USP3: variants seen among roughly 807,000 people sequenced by gnomAD.
USP3 encodes the protein ubiquitin carboxyl-terminal hydrolase 3.
A neutral mutation model predicts 72.3 loss-of-function variants in USP3; 20 were observed. The observed-to-expected ratio is 0.28, with a 90% CI of 0.19 to 0.40. The LOEUF (loss-of-function observed/expected upper bound fraction) is 0.40, where lower values mean the gene tolerates loss of function less well. USP3 is among the 10% of genes least tolerant of loss of function. USP3 has a pLI of 1.00. For missense variants in USP3, 479 were observed against 633.9 expected, an observed-to-expected ratio of 0.76 and a Z score of 2.62; for synonymous variants, 222 against 225.3, an observed-to-expected ratio of 0.99 and a Z score of 0.13.
chr15:63,565,610 T>C (rs1412047017), intron 8 of USP3, among the ~76,000 whole-genome samples: 1 of 152,226 alleles, frequency 6.6e-6, no homozygotes, highest in Non-Finnish European at 1.5e-5. Context: ...CTTTCAGATA[T>C]TCTGTGTGCA....
chr15:63,546,105 G>A (rs1364959647), intron 3 of USP3, among the ~76,000 whole-genome samples: 4 of 151,314 alleles, frequency 2.6e-5, no homozygotes, highest in Non-Finnish European at 5.9e-5. Context: ...GGTAGTTCCT[G>A]ACTTCTGTTT....
At chr15:63,583,793 G>A (rs2067005286) in intron 11 of USP3, among the ~76,000 whole-genome samples, 1 of 152,248 alleles carries the variant, frequency 6.6e-6, no homozygotes, top group Admixed American at 6.5e-5. Flanking sequence ...TTGTAAGCAT[G>A]TCTCAGAATT....
At chr15:63,564,203 AC>A (rs1223585882) in intron 8 of USP3, among the ~76,000 whole-genome samples, 1 of 152,186 alleles carries the variant, frequency 6.6e-6, no homozygotes, top group Non-Finnish European at 1.5e-5. Flanking sequence ...ACTGTGTGCC[AC>A]CCACTGGGTA....
At chr15:63,575,639 TAC>T (rs2066851541) in intron 11 of USP3, among the ~76,000 whole-genome samples, 1 of 152,188 alleles carries the variant, frequency 6.6e-6, no homozygotes, top group Non-Finnish European at 1.5e-5. Context: ...TTAACAGGAA[TAC>T]AGAAGAAAAA....
intron 7 of USP3, among the ~76,000 whole-genome samples, chr15:63,560,190 C>A (rs910009061): frequency 6.6e-6 from 1 of 152,048 alleles, no homozygotes; most frequent in Admixed American, 6.5e-5. Flanking sequence ...GATGCTGAGG[C>A]GGGTGGATCA....
At chr15:63,555,442 C>T (rs1481134014) in intron 4 of USP3, among the ~76,000 whole-genome samples, 2 of 151,682 alleles carry the variant, frequency 1.3e-5, no homozygotes, top group African/African-American at 4.8e-5. Flanking sequence ...GCTAGTGCAA[C>T]TGAGACACTG....
intron 1 of USP3, among the ~76,000 whole-genome samples, chr15:63,513,006 A>G (rs554720748): frequency 6.6e-6 from 1 of 152,344 alleles, no homozygotes; most frequent in African/African-American, 2.4e-5. Flanking sequence ...AAGCCAGGTT[A>G]TATCAAAGAT....
chr15:63,575,613 A>G (rs917613727), intron 11 of USP3, among the ~76,000 whole-genome samples: 2 of 152,176 alleles, frequency 1.3e-5, no homozygotes, highest in Non-Finnish European at 1.5e-5. Flanking sequence ...CTACACAACC[A>G]GTGTTGATTG....
chr15:63,560,899 C>A lies in USP3; in HGVS notation c.647+929C>A, dbSNP rs188244889. Among the ~76,000 whole-genome samples the A allele has an allele frequency of 5.0e-4, 76 of 152,310 alleles. 1 individual carries two copies. The highest frequency in any genetic ancestry group is 1.8e-3 in the African/African-American group (74 of 41,552). ...TTTTCTCTGTCTGCCTCCTCCACTT[C>A]CACACACTCCCATTCTCACTCATTC... On this transcript the variant is annotated intron_variant, in intron 7 of 14. Coordinates refer to ENST00000380324, the MANE Select transcript of USP3 (RefSeq NM_006537.4).
At chr15:63,555,184 C>T (rs955027860) in intron 4 of USP3, among the ~76,000 whole-genome samples, 1 of 152,182 alleles carries the variant, frequency 6.6e-6, no homozygotes, top group Non-Finnish European at 1.5e-5. Flanking sequence ...CTGCTTGGCT[C>T]CATGAAAAAT....
intron 9 of USP3, 110 bp from the exon 10 acceptor site, chr15:63,573,936 T>G: frequency 1.8e-6 from 1 of 566,574 alleles, no homozygotes. Context: ...ACTTAAATAT[T>G]CCCTCAAAGG....
chr15:63,522,160 G>A (rs1315043109), intron 1 of USP3, among the ~76,000 whole-genome samples: 4 of 152,316 alleles, frequency 2.6e-5, no homozygotes, highest in African/African-American at 7.2e-5. Flanking sequence ...ACAGGCATGA[G>A]CCACTGTGCC....
Position 63,588,307 on chromosome 15 carries a change from T to C in USP3, c.1099T>C (p.Cys367Arg), listed in dbSNP as rs1414942380. ...GCTGCCAAAATCAATTTGTTTAGAT[T>C]GTCTTCGCAGTTTTACCGACTTAGA... Reference protein sequence around the residue: ...ENGPVCSLRDCLRSFTDLEEL... With the variant: ...ENGPVCSLRDRLRSFTDLEEL... The change falls in exon 12 of 15, where the codon TGT becomes CGT. Residue 367 changes from cysteine (C) to arginine (R), a missense_variant and splice_region_variant. Cys to Arg is a radical substitution (Grantham distance 180). Transcript: ENST00000380324. The surrounding 1 kb of genome is among the most constrained non-coding windows in gnomAD (Gnocchi z 4.6). 1 of 1,594,160 alleles carries C rather than the reference T, an allele frequency of 6.3e-7. No individual in the cohort carries two copies. The highest frequency in any genetic ancestry group is 1.9e-5 in the Admixed American group (1 of 53,688).
rs973789851 is a variant in USP3 at position 63,574,746 on chromosome 15, C to T, written c.1096+343C>T. The stretch of plus-strand genomic sequence containing the variant: ...ATCTATAGGAAGAAAGAATACTCAG[C>T]AGAGTTTTATAAATTATAGTATTAC... On this transcript the variant is annotated intron_variant, in intron 11 of 14. Transcript: ENST00000380324. The surrounding 1 kb of genome is among the most constrained non-coding windows in gnomAD (Gnocchi z 4.6). Among the ~76,000 whole-genome samples the T allele has an allele frequency of 2.6e-5, 4 of 152,176 alleles. No homozygotes were observed. Among genetic ancestry groups the T allele is most frequent in the Admixed American group, 2.6e-4 (4 of 15,282 alleles).
chr15:63,589,218 T>C lies in USP3; in HGVS notation c.1397+207T>C, dbSNP rs1265330950. On this transcript the variant is annotated intron_variant, in intron 14 of 14. Coordinates refer to ENST00000380324, the MANE Select transcript of USP3 (RefSeq NM_006537.4). ...AGGTAAATAAAAGTGAAATGAAGAA[T>C]GGTTCATTTGAACCCAGTATTTACG... The C allele has an allele frequency of 1.2e-5, 7 of 587,174 alleles. No homozygotes were observed. The African/African-American group carries it at 1.3e-4, about 11-fold the overall frequency. The allele number at this position is 587,174 out of a possible 1,614,324, so 36.4% of individuals were successfully genotyped here.
chr15:63,536,930 T>G, intron 2 of USP3, 95 bp from the exon 3 acceptor site: 1 of 1,311,818 alleles, frequency 7.6e-7, no homozygotes, highest in Non-Finnish European at 1.0e-6. Flanking sequence ...TAGGATTTCT[T>G]TATTTTGATT....
chr15:63,556,778 GAGTT>G (rs1567113503), intron 5 of USP3, 30 bp downstream of exon 5: 13 of 1,410,258 alleles, frequency 9.2e-6, no homozygotes, highest in Non-Finnish European at 1.3e-5. Context: ...TCAAATATAA[GAGTT>G]AGTTGAGATT....
At chr15:63,551,483 A>G (rs182825929) in intron 3 of USP3, 3 of 152,198 alleles carry the variant, frequency 2.0e-5, no homozygotes, top group Admixed American at 6.5e-5. Flanking sequence ...ATCTGCATAA[A>G]ATGTTCAAAT....
intron 9 of USP3, among the ~76,000 whole-genome samples, chr15:63,573,627 C>G (rs1224713916): frequency 6.6e-6 from 1 of 152,142 alleles, no homozygotes. Context: ...TGTTCAAAGT[C>G]AAGTAATTGT....
Sources: gnomAD v4.1 joint callset for allele counts (sites outside exome capture counted in the v4.1 genomes callset) on GRCh38, gnomAD v4.1.1 for gene constraint, Gnocchi (gnomAD v3.1) non-coding constraint, MANE v1.5 for transcripts, NCBI Gene and HGNC (gene_info 2026-07-23, HGNC 2026-07-21) for gene names.